The following SLC26A5 variants were observed in gnomAD, a reference collection of about 807,000 sequenced individuals.
The protein encoded by SLC26A5 is prestin.
In SLC26A5, 51 loss-of-function variants were observed where a neutral mutation model predicts 81.0. The ratio of observed to expected loss-of-function variants is 0.63; its 90% CI spans 0.50 to 0.80. The LOEUF (loss-of-function observed/expected upper bound fraction) is 0.80. Ranked by LOEUF, SLC26A5 falls within the 30% of genes least tolerant of loss-of-function variation. SLC26A5 has a pLI of 0.00. For missense variants in SLC26A5, 771 were observed against 905.8 expected (o/e 0.85, Z 1.91); for synonymous variants, 325 against 332.8 (o/e 0.98, Z 0.25).
At chr7:103,388,424 C>G in intron 14 of SLC26A5, 1 of 165,736 alleles carries the variant, frequency 6.0e-6, no homozygotes, top group South Asian at 1.6e-4. Flanking sequence ...TGGTTTCAAA[C>G]TCCTGACCTC....
At chr7:103,390,086 T>C (rs1316075209) in intron 12 of SLC26A5, among the ~76,000 whole-genome samples, 2 of 152,200 alleles carry the variant, frequency 1.3e-5, no homozygotes, top group South Asian at 2.1e-4. Flanking sequence ...TATACCATCA[T>C]GTAAATGTCT....
At chr7:103,420,289 C>CTTTTT (rs35755959) in intron 4 of SLC26A5, among the ~76,000 whole-genome samples, 23 of 90,592 alleles carry the variant, frequency 2.5e-4, no homozygotes, top group Non-Finnish European at 3.6e-4. Context: ...ATCCCTGGAG[C>CTTTTT]TTTTTTTTTT....
chr7:103,383,252 G>A (rs1380251192), intron 14 of SLC26A5, among the ~76,000 whole-genome samples: 1 of 152,242 alleles, frequency 6.6e-6, no homozygotes, highest in Non-Finnish European at 1.5e-5. Flanking sequence ...CACAGGGGAG[G>A]CAGAGTAAGG....
At chr7:103,414,157 A>T (rs1217961344) in intron 4 of SLC26A5, among the ~76,000 whole-genome samples, 3 of 118,950 alleles carry the variant, frequency 2.5e-5, no homozygotes, top group African/African-American at 6.4e-5. Context: ...GACACTAATG[A>T]TATTTTTACT....
intron 9 of SLC26A5, among the ~76,000 whole-genome samples, chr7:103,393,446 G>A (rs1219786045): frequency 6.6e-6 from 1 of 152,134 alleles, no homozygotes; most frequent in East Asian, 1.9e-4. Context: ...AAGTCTTGGG[G>A]TGGGGAGGAG....
At chr7:103,374,710 T>G (rs1158659869) in intron 19 of SLC26A5, 118 bp from the exon 20 acceptor site, 13 of 1,065,452 alleles carry the variant, frequency 1.2e-5, no homozygotes, top group African/African-American at 1.6e-5. Flanking sequence ...TGTTTCTTTT[T>G]TTTTTTTGAG....
chr7:103,385,159 G>T (rs1014397013), intron 14 of SLC26A5, among the ~76,000 whole-genome samples: 1 of 151,548 alleles, frequency 6.6e-6, no homozygotes, highest in African/African-American at 2.4e-5. Context: ...TTGTCTCTTT[G>T]TTGTTGTTGT....
chr7:103,420,972 G>A (rs888072848), intron 3 of SLC26A5, 95 bp from the exon 4 acceptor site: 7 of 1,378,910 alleles, frequency 5.1e-6, no homozygotes, highest in Non-Finnish European at 7.1e-6. Flanking sequence ...ATTCCCAGGA[G>A]CAATCTGGAA....
At position 103,391,666 on chromosome 7, in the gene SLC26A5, A is replaced by G; in HGVS notation, c.1189T>C (p.Leu397=). Reference sequence around the variant, plus strand: ...CCCTCCTGAACAAGGCTTCGAGACAAGGAGCATGAAATTGAAAAGGTCTGG... The same window carrying G: ...CCCTCCTGAACAAGGCTTCGAGACAGGGAGCATGAAATTGAAAAGGTCTGG... The part of the protein sequence containing the change: ...LFQTFSISCS[L]SRSLVQEGTG... Residue 397 remains leucine, a synonymous_variant, in exon 11 of 20, where the codon TTG becomes CTG. Transcript: ENST00000306312. 6.2e-7 allele frequency: 1 copy of G among 1,614,206 alleles called. No individual in the cohort carries two copies. The highest frequency in any genetic ancestry group is 8.5e-7 in the Non-Finnish European group (1 of 1,180,032).
Position 103,377,921 on chromosome 7 carries a change from T to A in SLC26A5, c.1786-122A>T. ...AAGCTACTGACTCTACCAGACCCCT[T>A]GTAAAATATTTGTCATATTCTAGCC... On this transcript the variant is annotated intron_variant, in intron 17 of 19. Transcript: ENST00000306312. 3.4e-6 allele frequency: 3 copies of A among 891,008 alleles called. No homozygotes were observed. The Admixed American group carries it at 5.8e-5, about 17-fold the overall frequency. The allele number at this position is 891,008 out of a possible 1,614,324, so 55.2% of individuals were successfully genotyped here.
intron 3 of SLC26A5, 74 bp downstream of exon 3, chr7:103,421,289 T>G (rs1000278467): frequency 3.2e-5 from 48 of 1,522,276 alleles, no homozygotes; most frequent in Non-Finnish European, 4.1e-5. Context: ...AAACAGATTT[T>G]CTTTACACAT....
At chr7:103,436,219 G>C (rs1189097623) in intron 2 of SLC26A5, among the ~76,000 whole-genome samples, 2 of 152,074 alleles carry the variant, frequency 1.3e-5, no homozygotes, top group African/African-American at 4.8e-5. Context: ...GATATTTTCT[G>C]TTATCGTCTC....
intron 19 of SLC26A5, 113 bp from the exon 20 acceptor site, chr7:103,374,705 C>CTTTT: frequency 1.2e-6 from 1 of 814,260 alleles, no homozygotes; most frequent in Non-Finnish European, 1.8e-6. Context: ...TTTTTTGTTT[C>CTTTT]TTTTTTTTTT....
rs777928821 is a variant in SLC26A5 at position 103,367,620 on chromosome 7, GA to G, written c.2041+9187del. 12 of 1,613,190 alleles carry G rather than the reference GA, an allele frequency of 7.4e-6. No homozygotes were observed. Among genetic ancestry groups the G allele is most frequent in the Non-Finnish European group, 1.0e-5 (12 of 1,179,560 alleles). Reference sequence around the variant, plus strand: ...TTTAGCTTGCCCGATCTAGAGGTAAGAAAACCATTTCATTTTAGGAAAGGGA... The same window carrying G: ...TTTAGCTTGCCCGATCTAGAGGTAAGAAACCATTTCATTTTAGGAAAGGGA... On this transcript the variant is annotated intron_variant, in intron 19 of 19. Transcript: ENST00000339444. The surrounding 1 kb of genome is among the most constrained non-coding windows in gnomAD (Gnocchi z 6.1).
chr7:103,395,302 T>C (rs1822994088), intron 9 of SLC26A5, among the ~76,000 whole-genome samples: 1 of 150,012 alleles, frequency 6.7e-6, no homozygotes, highest in Non-Finnish European at 1.5e-5. Flanking sequence ...TCCAGAAAGA[T>C]AAGGTCTCCT....
chr7:103,410,019 T>G (rs1242407899), intron 7 of SLC26A5, among the ~76,000 whole-genome samples: 1 of 152,150 alleles, frequency 6.6e-6, no homozygotes, highest in Non-Finnish European at 1.5e-5. Context: ...AATTAGCAGT[T>G]TTTGAGAGAG....
intron 8 of SLC26A5, among the ~76,000 whole-genome samples, chr7:103,402,850 A>G (rs1289687759): frequency 1.3e-5 from 2 of 152,016 alleles, no homozygotes; most frequent in Admixed American, 6.6e-5. Flanking sequence ...ATTTTTTTGA[A>G]GGGTTTTTCT....
At position 103,413,051 on chromosome 7, in the gene SLC26A5, G is replaced by T. The variant is rs1375164927; in HGVS notation, c.354C>A (p.Tyr118Ter). Residue 118 changes from tyrosine (Y) to a stop codon, truncating the protein, a stop_gained, in exon 5 of 20, where the codon TAC becomes TAA. Transcript: ENST00000306312. LOFTEE classifies it high-confidence loss of function. ...PPIFGLYSSF[Y>*]PVIMYCFLGT... ...CAAGAAAACAATACATGATAACAGGGTAAAATGAAGAGTACAGGCCAAATA... is the reference window on the plus strand; with the variant it reads ...CAAGAAAACAATACATGATAACAGGTTAAAATGAAGAGTACAGGCCAAATA... 1 of 1,613,898 alleles carries T rather than the reference G, an allele frequency of 6.2e-7. No homozygotes were observed. Among genetic ancestry groups the T allele is most frequent in the East Asian group, 2.2e-5 (1 of 44,862 alleles).
chr7:103,364,386 C>T, intron 19 of SLC26A5: 1 of 1,496,068 alleles, frequency 6.7e-7, no homozygotes, highest in South Asian at 1.2e-5. Context: ...GGCACTTCTG[C>T]ATTGAGGGAT....
Sources: allele counts gnomAD v4.1 joint callset (sites outside exome capture counted in the v4.1 genomes callset), GRCh38; gene constraint gnomAD v4.1.1; non-coding constraint Gnocchi (gnomAD v3.1); transcripts MANE v1.5; gene names NCBI Gene and HGNC (gene_info 2026-07-23, HGNC 2026-07-21).